The following TRMT44 variants were observed in gnomAD, a reference collection of about 807,000 sequenced individuals.
TRMT44 encodes tRNA methyltransferase 44 homolog.
Under a neutral mutation model 77.3 loss-of-function variants are expected in TRMT44, and 78 were observed. The observed-to-expected ratio is 1.01, with a 90% CI of 0.84 to 1.22. The LOEUF is 1.22. Among genes scored for constraint, TRMT44 ranks in the 50% most tolerant of loss-of-function variants. The probability of loss-of-function intolerance (pLI) is 0.00; values close to 1 mark genes in which losing one functional copy is unlikely to be tolerated. For missense variants in TRMT44, 1,090 were observed against 964.4 expected (o/e 1.13, Z -1.73); for synonymous variants, 391 against 383.3 (o/e 1.02, Z -0.23).
the TRMT44 span, among the ~76,000 whole-genome samples, chr4:8,514,233 C>T: frequency 4.0e-5 from 6 of 148,752 alleles, no homozygotes; most frequent in Admixed American, 6.7e-5. Context: ...ACCCACAGGA[C>T]GAGGCCTGGG....
At chr4:8,459,148 G>C (rs1725996038) in intron 6 of TRMT44, among the ~76,000 whole-genome samples, 1 of 152,226 alleles carries the variant, frequency 6.6e-6, no homozygotes, top group Admixed American at 6.5e-5. Context: ...ACTGCGGTGA[G>C]CCAAGATTGT....
the TRMT44 span, among the ~76,000 whole-genome samples, chr4:8,512,795 C>T: frequency 2.6e-5 from 4 of 152,108 alleles, no homozygotes; most frequent in Non-Finnish European, 4.4e-5. Flanking sequence ...TGCTCATCAC[C>T]GAGTGTCTAT....
chr4:8,487,151 G>T (rs1727836558), intron 2 of TRMT44, among the ~76,000 whole-genome samples: 1 of 152,198 alleles, frequency 6.6e-6, no homozygotes, highest in Non-Finnish European at 1.5e-5. Flanking sequence ...AAAATTGAAA[G>T]TGCCATTTTC....
intron 6 of TRMT44, among the ~76,000 whole-genome samples, chr4:8,458,497 T>C (rs1725954845): frequency 6.7e-6 from 1 of 149,658 alleles, no homozygotes; most frequent in Non-Finnish European, 1.5e-5. Context: ...GGAGTCTTGC[T>C]CTGTCGCCCA....
At chr4:8,445,214 A>T (rs560554312) in intron 1 of TRMT44, among the ~76,000 whole-genome samples, 1 of 152,270 alleles carries the variant, frequency 6.6e-6, no homozygotes, top group South Asian at 2.1e-4. Context: ...CTGGTCTCTA[A>T]CTCCTGGTTT....
chr4:8,509,950 A>G, the TRMT44 span, among the ~76,000 whole-genome samples: 16 of 152,272 alleles, frequency 1.1e-4, no homozygotes, highest in South Asian at 2.1e-4. Flanking sequence ...GGGGGTGGCC[A>G]GGTGGGGTGG....
the TRMT44 span, among the ~76,000 whole-genome samples, chr4:8,515,779 A>T: frequency 1.3e-5 from 2 of 152,132 alleles, no homozygotes; most frequent in African/African-American, 4.8e-5. Flanking sequence ...CTCCGCTCAA[A>T]CGTTCCCTCC....
intron 2 of TRMT44, among the ~76,000 whole-genome samples, chr4:8,492,501 C>T (rs1326755428): frequency 6.6e-6 from 1 of 152,190 alleles, no homozygotes; most frequent in Admixed American, 6.5e-5. Flanking sequence ...GCTCAACCTA[C>T]TTTGGGAGGA....
At chr4:8,441,550 G>T in intron 1 of TRMT44, 109 bp downstream of exon 1, 1 of 1,321,080 alleles carries the variant, frequency 7.6e-7, no homozygotes, top group Non-Finnish European at 9.9e-7. Context: ...GATGTCCTAG[G>T]GAGGTTGTTA....
At chr4:8,454,571 G>A (rs1725669259) in intron 5 of TRMT44, 171 bp from the exon 6 acceptor site, 4 of 615,730 alleles carry the variant, frequency 6.5e-6, no homozygotes, top group Non-Finnish European at 1.1e-5. Flanking sequence ...GTATCACAGG[G>A]TAATGGCACC....
At chr4:8,469,837 C>G (rs185748983) in intron 9 of TRMT44, among the ~76,000 whole-genome samples, 1 of 152,258 alleles carries the variant, frequency 6.6e-6, no homozygotes, top group African/African-American at 2.4e-5. Flanking sequence ...AGCCTGTCCT[C>G]AGGCAGGCAC....
In TRMT44 at chr4:8,453,005, A is replaced by T; in HGVS notation, c.1131+16A>T. 1 of 1,440,564 alleles carries T rather than the reference A, an allele frequency of 6.9e-7. No individual in the cohort carries two copies. Among genetic ancestry groups the T allele is most frequent in the East Asian group, 2.6e-5 (1 of 37,924 alleles). The allele number at this position is 1,440,564 out of a possible 1,614,324, so 89.2% of individuals were successfully genotyped here. Reference sequence around the variant, plus strand: ...CAGTGAGGGGGTAAGGCCCGGCTCCATCACCTTTTCTGGTAACTTGTCCAG... The same window carrying T: ...CAGTGAGGGGGTAAGGCCCGGCTCCTTCACCTTTTCTGGTAACTTGTCCAG... On this transcript the variant is annotated intron_variant, in intron 5 of 10. Transcript: ENST00000389737.
At chr4:8,508,924 T>C in the TRMT44 span, 1 of 152,756 alleles carries the variant, frequency 6.5e-6, no homozygotes, top group African/African-American at 2.4e-5. Flanking sequence ...GCAGTGCCAC[T>C]GACCAGCCCA....
chr4:8,504,219 C>T, the TRMT44 span, among the ~76,000 whole-genome samples: 1 of 152,182 alleles, frequency 6.6e-6, no homozygotes, highest in Non-Finnish European at 1.5e-5. This position sits in a 1 kb window ranked among gnomAD's most constrained non-coding sequence, Gnocchi z 5.3. Context: ...CCATGCTGCT[C>T]ATGTCCCCAC....
Position 8,449,794 on chromosome 4 carries a change from A to C in TRMT44, c.860A>C (p.Lys287Thr). The C allele has an allele frequency of 6.5e-7, 1 of 1,536,072 alleles. No homozygotes were observed. Among genetic ancestry groups the C allele is most frequent in the South Asian group, 1.2e-5 (1 of 84,058 alleles). The change falls in exon 3 of 11, where the codon AAG (lysine) becomes ACG (threonine). Residue 287 changes from lysine (K) to threonine (T), a missense_variant. Physicochemically the swap from Lys to Thr is moderately conservative, Grantham distance 78. Transcript: ENST00000389737. ...KLAKWSVENK[K>T]SDFKSTLSLI... ...GCCAAGTGGTCTGTAGAGAACAAGAAGAGTGACTTTAAAAGCACCCTTTCC... is the reference window on the plus strand; with the variant it reads ...GCCAAGTGGTCTGTAGAGAACAAGACGAGTGACTTTAAAAGCACCCTTTCC...
At chr4:8,502,544 C>G in the TRMT44 span, among the ~76,000 whole-genome samples, 1 of 152,242 alleles carries the variant, frequency 6.6e-6, no homozygotes. Context: ...TCAGCCGAGG[C>G]TCAGCTGGGG....
At chr4:8,463,137 C>T (rs144436911) in intron 6 of TRMT44, among the ~76,000 whole-genome samples, 1 of 152,118 alleles carries the variant, frequency 6.6e-6, no homozygotes, top group African/African-American at 2.4e-5. Context: ...AATGTCTTCC[C>T]CATTATGATC....
chr4:8,492,316 GCCTTT>G (rs902883195), intron 2 of TRMT44, among the ~76,000 whole-genome samples: 21 of 152,326 alleles, frequency 1.4e-4, no homozygotes, highest in African/African-American at 4.8e-4. Flanking sequence ...GTCAGGTCCA[GCCTTT>G]CCTTTCAACA....
the TRMT44 span, among the ~76,000 whole-genome samples, chr4:8,499,809 T>A: frequency 9.9e-5 from 15 of 152,050 alleles, no homozygotes; most frequent in Admixed American, 7.9e-4. Context: ...CACAAAACTG[T>A]CAGATGCTAC....
Sources: gnomAD v4.1 joint callset for allele counts (sites outside exome capture counted in the v4.1 genomes callset) on GRCh38, gnomAD v4.1.1 for gene constraint, Gnocchi (gnomAD v3.1) non-coding constraint, MANE v1.5 for transcripts, NCBI Gene and HGNC (gene_info 2026-07-23, HGNC 2026-07-21) for gene names.